PLPP3: variants seen among roughly 807,000 people sequenced by gnomAD.
PLPP3 encodes the protein phospholipid phosphatase 3.
In PLPP3, 6 loss-of-function variants were observed where a neutral mutation model predicts 29.6. The ratio of observed to expected loss-of-function variants is 0.20; its 90% CI spans 0.11 to 0.40. The LOEUF (loss-of-function observed/expected upper bound fraction) is 0.40, where lower values mean the gene tolerates loss of function less well. PLPP3 is among the 10% of genes least tolerant of loss of function. PLPP3 has a pLI of 1.00. For synonymous variants in PLPP3, 152 were observed against 159.7 expected (o/e 0.95, Z 0.36); for missense variants, 308 against 407.7 (o/e 0.76, Z 2.11).
At chr1:56,569,087 C>T (rs1450854293) in intron 1 of PLPP3, among the ~76,000 whole-genome samples, 2 of 152,168 alleles carry the variant, frequency 1.3e-5, no homozygotes, top group Non-Finnish European at 2.9e-5. Flanking sequence ...TTAATTCCCT[C>T]CTCCAATCTT....
At chr1:56,519,508 A>AAATGCTC (rs1645804442) in intron 4 of PLPP3, among the ~76,000 whole-genome samples, 1 of 152,160 alleles carries the variant, frequency 6.6e-6, no homozygotes, top group Admixed American at 6.5e-5. Flanking sequence ...AGCATATACC[A>AAATGCTC]AATGCTCAAT....
intron 1 of PLPP3, among the ~76,000 whole-genome samples, chr1:56,543,167 T>C (rs1206324587): frequency 6.6e-6 from 1 of 152,170 alleles, no homozygotes; most frequent in Non-Finnish European, 1.5e-5. Flanking sequence ...GAGCTAGCAA[T>C]GGTCCCAATT....
chr1:56,512,339 C>T lies in PLPP3; in HGVS notation c.634-187G>A, dbSNP rs151151562. 365 of 546,022 alleles carry T rather than the reference C, an allele frequency of 6.7e-4. 2 individuals are homozygous for T. In the East Asian group the frequency reaches 9.9e-3, roughly 15 times the overall value. 33.8% of individuals were successfully genotyped at this position (546,022 alleles called of 1,614,324 possible). A position where few individuals can be genotyped will look rare whatever the true frequency, so the allele number is the denominator to read the frequency against. On this transcript the variant is annotated intron_variant, in intron 4 of 5. Transcript: ENST00000371250. ...TTTAAATGCTGAGCCTGGCTAGGCA[C>T]GGTGGCTCACGTCTGTAATCCCAGC...
intron 5 of PLPP3, among the ~76,000 whole-genome samples, chr1:56,499,274 C>A (rs1384307732): frequency 6.6e-6 from 1 of 152,100 alleles, no homozygotes; most frequent in Non-Finnish European, 1.5e-5. Flanking sequence ...TTACATAGTT[C>A]AATAGAAGGC....
intron 4 of PLPP3, among the ~76,000 whole-genome samples, chr1:56,519,358 A>C (rs774139303): frequency 5.4e-4 from 82 of 152,116 alleles, no homozygotes; most frequent in Non-Finnish European, 1.1e-3. Context: ...TATAACCTAC[A>C]TATCCCCTTG....
intron 5 of PLPP3, among the ~76,000 whole-genome samples, chr1:56,499,050 T>C (rs1179120669): frequency 2.0e-5 from 3 of 151,414 alleles, no homozygotes; most frequent in Admixed American, 6.6e-5. Context: ...CAAGGGCAAA[T>C]ATAGCTGGGG....
chr1:56,545,913 G>T (rs889259724), intron 1 of PLPP3, among the ~76,000 whole-genome samples: 4 of 152,052 alleles, frequency 2.6e-5, no homozygotes, highest in Non-Finnish European at 5.9e-5. Flanking sequence ...CATTATGGGA[G>T]GCCCTGCAAG....
chr1:56,543,985 T>C (rs902924754), intron 1 of PLPP3, among the ~76,000 whole-genome samples: 1 of 152,180 alleles, frequency 6.6e-6, no homozygotes, highest in Non-Finnish European at 1.5e-5. Context: ...TCCTAAGTAC[T>C]GAGTACTGTG....
intron 5 of PLPP3, among the ~76,000 whole-genome samples, chr1:56,501,159 A>G (rs962472098): frequency 6.6e-6 from 1 of 151,974 alleles, no homozygotes; most frequent in Non-Finnish European, 1.5e-5. Context: ...AAAGAAGAAG[A>G]GATGGATTTT....
At chr1:56,505,374 G>A (rs1645695474) in intron 5 of PLPP3, among the ~76,000 whole-genome samples, 1 of 152,192 alleles carries the variant, frequency 6.6e-6, no homozygotes, top group South Asian at 2.1e-4. Flanking sequence ...CTTCCTCTCT[G>A]AACCTCTGCT....
At chr1:56,533,533 G>T (rs1269852218) in intron 2 of PLPP3, among the ~76,000 whole-genome samples, 1 of 152,122 alleles carries the variant, frequency 6.6e-6, no homozygotes, top group Non-Finnish European at 1.5e-5. Flanking sequence ...CCACTACTTA[G>T]TTATGAGAGA....
chr1:56,556,997 A>AGAAAGAAAGAAAGAAG (rs1646082330), intron 1 of PLPP3, among the ~76,000 whole-genome samples: 1 of 8,248 alleles, frequency 1.2e-4, no homozygotes, highest in Non-Finnish European at 3.3e-4. Flanking sequence ...AAAGAAAGAA[A>AGAAAGAAAGAAAGAAG]GAAAGAAAGA....
intron 1 of PLPP3, among the ~76,000 whole-genome samples, chr1:56,571,020 TTCCTTTTTCTACTGA>T (rs1646194122): frequency 6.6e-6 from 1 of 152,224 alleles, no homozygotes; most frequent in African/African-American, 2.4e-5. Context: ...GTTTGTCTTG[TTCCTTTTTCTACTGA>T]CGCACGCAAG....
At chr1:56,506,246 G>A (rs972273422) in intron 5 of PLPP3, among the ~76,000 whole-genome samples, 2 of 152,150 alleles carry the variant, frequency 1.3e-5, no homozygotes, top group African/African-American at 2.4e-5. Context: ...AAGAAACTGG[G>A]GATTTGGTTC....
At chr1:56,542,005 G>A (rs957451831) in intron 1 of PLPP3, among the ~76,000 whole-genome samples, 7 of 149,810 alleles carry the variant, frequency 4.7e-5, no homozygotes, top group Non-Finnish European at 1.0e-4. Context: ...AGTGCAGACC[G>A]AGACCCAGAC....
In PLPP3 at chr1:56,579,120, A is replaced by G; in HGVS notation, c.-104T>C. The G allele has an allele frequency of 6.8e-7, 1 of 1,477,924 alleles. No individual in the cohort carries two copies. The highest frequency in any genetic ancestry group is 2.7e-5 in the East Asian group (1 of 37,584). The allele number at this position is 1,477,924 out of a possible 1,614,324, so 91.6% of individuals were successfully genotyped here. A position where few individuals can be genotyped will look rare whatever the true frequency, so the allele number is the denominator to read the frequency against. On this transcript the variant is annotated 5_prime_UTR_variant, in exon 1 of 6. Coordinates refer to ENST00000371250, the MANE Select transcript of PLPP3 (RefSeq NM_003713.5). ...CCTCCTGGCCGAGGCTGCTGCGGAT[A>G]GTGGCGGGTCGGCCCCGGCTCCGGG...
At chr1:56,515,581 G>T (rs1159798345) in intron 4 of PLPP3, among the ~76,000 whole-genome samples, 1 of 152,244 alleles carries the variant, frequency 6.6e-6, no homozygotes, top group South Asian at 2.1e-4. Context: ...GAGTGCTTAT[G>T]AATGAGAAAG....
At chr1:56,560,690 T>G (rs1646117651) in intron 1 of PLPP3, among the ~76,000 whole-genome samples, 1 of 152,116 alleles carries the variant, frequency 6.6e-6, no homozygotes, top group Admixed American at 6.5e-5. Flanking sequence ...GGTGATTAGG[T>G]TTCAGGATAT....
chr1:56,551,578 G>A (rs968289556), intron 1 of PLPP3, among the ~76,000 whole-genome samples: 1 of 152,142 alleles, frequency 6.6e-6, no homozygotes, highest in Non-Finnish European at 1.5e-5. Context: ...AGGAGAAGAT[G>A]CCTGGGAATG....
Sources: gnomAD v4.1 joint callset for allele counts (sites outside exome capture counted in the v4.1 genomes callset) on GRCh38, gnomAD v4.1.1 for gene constraint, MANE v1.5 for transcripts, NCBI Gene and HGNC (gene_info 2026-07-23, HGNC 2026-07-21) for gene names.